HIBADH: variants seen among roughly 807,000 people sequenced by gnomAD.
HIBADH encodes the protein 3-hydroxyisobutyrate dehydrogenase, also known as 3-hydroxyisobutyrate dehydrogenase, mitochondrial.
A neutral mutation model predicts 36.1 loss-of-function variants in HIBADH; 25 were observed. The ratio of observed to expected loss-of-function variants is 0.69; its 90% CI spans 0.50 to 0.97. The LOEUF is 0.97. HIBADH is among the 50% of genes least tolerant of loss of function. The probability of loss-of-function intolerance (pLI) is 0.00; values close to 1 mark genes in which losing one functional copy is unlikely to be tolerated. For missense variants in HIBADH, 421 were observed against 418.0 expected, an observed-to-expected ratio of 1.01 and a Z score of -0.06; for synonymous variants, 160 against 149.5, an observed-to-expected ratio of 1.07 and a Z score of -0.51.
intron 4 of HIBADH, among the ~76,000 whole-genome samples, chr7:27,610,053 A>G (rs1241949859): frequency 6.6e-6 from 1 of 152,068 alleles, no homozygotes; most frequent in Non-Finnish European, 1.5e-5. Flanking sequence ...TCTTGATCTC[A>G]GGTGATCTGC....
intron 4 of HIBADH, among the ~76,000 whole-genome samples, chr7:27,559,008 A>G (rs1048294786): frequency 6.6e-6 from 1 of 152,198 alleles, no homozygotes; most frequent in African/African-American, 2.4e-5. Context: ...TAGAAGTCTC[A>G]GATTAAGGTG....
intron 3 of HIBADH, 62 bp from the exon 4 acceptor site, chr7:27,629,554 C>T: frequency 1.7e-6 from 2 of 1,208,636 alleles, no homozygotes; most frequent in Middle Eastern, 2.2e-4. Flanking sequence ...CATGCAACTA[C>T]CTACAGAATT....
chr7:27,649,225 G>A, intron 2 of HIBADH: 1 of 335,614 alleles, frequency 3.0e-6, no homozygotes. Flanking sequence ...GCTAAAACAA[G>A]GCCCTCTGAC....
chr7:27,609,973 C>T (rs1367874783), intron 4 of HIBADH, among the ~76,000 whole-genome samples: 6 of 151,878 alleles, frequency 4.0e-5, no homozygotes, highest in Non-Finnish European at 8.8e-5. Context: ...AGCACCACCA[C>T]ACCCGGCTAA....
chr7:27,631,379 T>C (rs1243223627), intron 3 of HIBADH, among the ~76,000 whole-genome samples: 1 of 152,206 alleles, frequency 6.6e-6, no homozygotes, highest in Admixed American at 6.5e-5. Context: ...TCCAAGTTGG[T>C]TAGTTTTCCA....
intron 4 of HIBADH, among the ~76,000 whole-genome samples, chr7:27,548,192 C>A (rs1178869509): frequency 3.6e-5 from 1 of 28,018 alleles, no homozygotes; most frequent in Non-Finnish European, 6.3e-5. Flanking sequence ...GCCTCTCTCT[C>A]TCTTAAAAAA....
chr7:27,533,917 C>T (rs2128183259), intron 6 of HIBADH, among the ~76,000 whole-genome samples: 1 of 152,302 alleles, frequency 6.6e-6, no homozygotes, highest in African/African-American at 2.4e-5. Flanking sequence ...CAGCTCAAGC[C>T]ATCAAAAGAA....
At chr7:27,658,306 G>A (rs1347324849) in intron 1 of HIBADH, among the ~76,000 whole-genome samples, 1 of 152,176 alleles carries the variant, frequency 6.6e-6, no homozygotes, top group Non-Finnish European at 1.5e-5. Context: ...CAAGCTGGGA[G>A]AAAATCAATC....
intron 4 of HIBADH, among the ~76,000 whole-genome samples, chr7:27,619,296 C>T (rs1009392375): frequency 5.3e-5 from 8 of 152,262 alleles, no homozygotes; most frequent in Middle Eastern, 3.4e-3. Flanking sequence ...ACCACAGATA[C>T]ACCTTTAAGA....
chr7:27,655,437 A>G (rs1424427165), intron 1 of HIBADH, among the ~76,000 whole-genome samples: 1 of 152,220 alleles, frequency 6.6e-6, no homozygotes, highest in Non-Finnish European at 1.5e-5. Context: ...TGTGGAAGAA[A>G]AAAAGTCAAT....
chr7:27,563,419 G>T (rs1447624099), intron 4 of HIBADH, among the ~76,000 whole-genome samples: 1 of 152,178 alleles, frequency 6.6e-6, no homozygotes, highest in Admixed American at 6.5e-5. Context: ...TTACCGAGAG[G>T]TAGGATTGCT....
intron 4 of HIBADH, among the ~76,000 whole-genome samples, chr7:27,572,542 C>T (rs528472710): frequency 2.2e-4 from 34 of 152,236 alleles, no homozygotes; most frequent in African/African-American, 8.2e-4. Flanking sequence ...GCTTTTATGA[C>T]ATCTATTTTT....
intron 4 of HIBADH, among the ~76,000 whole-genome samples, chr7:27,554,078 C>T (rs1005581704): frequency 1.3e-5 from 2 of 152,114 alleles, no homozygotes; most frequent in African/African-American, 4.8e-5. Context: ...CTCCACCTCC[C>T]GGGTTCAAGT....
chr7:27,577,988 T>C (rs899144760), intron 4 of HIBADH, among the ~76,000 whole-genome samples: 1 of 152,182 alleles, frequency 6.6e-6, no homozygotes, highest in Non-Finnish European at 1.5e-5. Context: ...CTGATTAATC[T>C]AAACACTGCT....
At chr7:27,544,841 C>G (rs1784211466) in intron 4 of HIBADH, among the ~76,000 whole-genome samples, 1 of 152,190 alleles carries the variant, frequency 6.6e-6, no homozygotes, top group Admixed American at 6.5e-5. Flanking sequence ...AGTCTTTTGA[C>G]AGGTGTACTT....
rs527292630 is a variant in HIBADH, at chr7:27,583,671, C to T, written c.485-40571G>A. Among the ~76,000 whole-genome samples, 17 of 152,014 alleles carry T rather than the reference C, an allele frequency of 1.1e-4. No individual in the cohort carries two copies. The South Asian group carries it at 3.5e-3, about 32-fold the overall frequency. On this transcript the variant is annotated intron_variant, in intron 4 of 7. Transcript: ENST00000265395. ...ATTTAATCAATTCTCCCTTATTGGA[C>T]ATTTGGGTTATTTCCAAGGCCTCAT...
chr7:27,619,079 C>T (rs1037820427), intron 4 of HIBADH, among the ~76,000 whole-genome samples: 1 of 152,200 alleles, frequency 6.6e-6, no homozygotes, highest in Non-Finnish European at 1.5e-5. Context: ...CAGCCCACTG[C>T]TGCCACCACT....
chr7:27,587,136 T>C (rs998474419), intron 4 of HIBADH, among the ~76,000 whole-genome samples: 2 of 152,152 alleles, frequency 1.3e-5, no homozygotes, highest in African/African-American at 4.8e-5. Context: ...AGAACCGATC[T>C]CACACTGACA....
Position 27,537,131 on chromosome 7 carries a change from ACTGAAAAGGTCC to A in HIBADH, c.695+1198_695+1209del, listed in dbSNP as rs574507342. Among the ~76,000 whole-genome samples the A allele has an allele frequency of 3.2e-3, 493 of 152,284 alleles. 6 individuals carry two copies. The highest frequency in any genetic ancestry group is 0.011 in the African/African-American group (464 of 41,566). ...AAACTGGCCACAATACAAACATAAC[ACTGAAAAGGTCC>A]CTATATACTACCACTTTTATTAAGG... On this transcript the variant is annotated intron_variant, in intron 6 of 7. Coordinates refer to ENST00000265395, the MANE Select transcript of HIBADH (RefSeq NM_152740.4).
Sources: gnomAD v4.1 joint callset for allele counts (sites outside exome capture counted in the v4.1 genomes callset) on GRCh38, gnomAD v4.1.1 for gene constraint, MANE v1.5 for transcripts, NCBI Gene and HGNC (gene_info 2026-07-23, HGNC 2026-07-21) for gene names.